The following ATF7IP variants were observed in gnomAD, a reference collection of about 807,000 sequenced individuals.
ATF7IP encodes the protein activating transcription factor 7 interacting protein, also known as activating transcription factor 7-interacting protein 1.
A neutral mutation model predicts 106.4 loss-of-function variants in ATF7IP; 23 were observed. That is an observed-to-expected ratio of 0.22 (90% confidence interval 0.16 to 0.31). The LOEUF is 0.31. ATF7IP is among the 10% of genes least tolerant of loss of function. ATF7IP has a pLI of 1.00. For missense variants in ATF7IP, 1,334 were observed against 1,524.3 expected, an observed-to-expected ratio of 0.88 and a Z score of 2.08; for synonymous variants, 542 against 539.0, an observed-to-expected ratio of 1.01 and a Z score of -0.08.
chr12:14,421,407 C>T (rs531134055), intron 1 of ATF7IP, among the ~76,000 whole-genome samples: 114 of 152,134 alleles, frequency 7.5e-4, no homozygotes, highest in Non-Finnish European at 1.4e-3. Flanking sequence ...TTTGAAATCA[C>T]GGTGTTGTCA....
chr12:14,472,337 T>G lies in ATF7IP; in HGVS notation c.2863-3553T>G, dbSNP rs138842645. 6.3e-4 allele frequency among the ~76,000 whole-genome samples: 96 copies of G among 152,350 alleles called. 3 individuals are homozygous for G. The East Asian group carries it at 0.018, about 29-fold the overall frequency. On this transcript the variant is annotated intron_variant, in intron 10 of 14. Coordinates refer to ENST00000261168, the MANE Select transcript of ATF7IP (RefSeq NM_018179.5). ...AGCATGAAAAAGCATGATTTTCATT[T>G]ATAAATTAGTCACACATTTCTTTGT...
Position 14,498,069 on chromosome 12 carries a change from G to T in ATF7IP, c.3809G>T (p.Ser1270Ile), listed in dbSNP as rs1945064025. ...GATGTGATCTCTTCTACCCAGAGCAGTTAAACCTTGGAGCCTTTATATTTT... is the reference window on the plus strand; with the variant it reads ...GATGTGATCTCTTCTACCCAGAGCATTTAAACCTTGGAGCCTTTATATTTT... ...STDVISSTQS[S>I] Residue 1270 changes from serine (S) to isoleucine (I), a missense_variant, in exon 15 of 15, where the codon AGT becomes ATT. Transcript: ENST00000261168. The T allele has an allele frequency of 1.3e-6, 2 of 1,570,408 alleles. No homozygotes were observed. Among genetic ancestry groups the T allele is most frequent in the African/African-American group, 2.7e-5 (2 of 73,446 alleles).
intron 2 of ATF7IP, among the ~76,000 whole-genome samples, chr12:14,426,435 A>G (rs923049116): frequency 5.3e-5 from 8 of 152,076 alleles, no homozygotes; most frequent in African/African-American, 1.9e-4. Flanking sequence ...AAGAAAAAAA[A>G]ATGGAGGCAG....
At chr12:14,465,569 AC>A (rs1943800062) in intron 9 of ATF7IP, among the ~76,000 whole-genome samples, 1 of 151,820 alleles carries the variant, frequency 6.6e-6, no homozygotes, top group Admixed American at 6.6e-5. Flanking sequence ...TATTCTTCTT[AC>A]AAAAAGAAGG....
At chr12:14,493,078 A>G (rs71459158) in intron 13 of ATF7IP, among the ~76,000 whole-genome samples, 3,104 of 152,276 alleles carry the variant, frequency 0.02, 34 homozygotes, top group Middle Eastern at 0.031. Flanking sequence ...ACAGTGTGCC[A>G]TCTTTTAATC....
Position 14,498,164 on chromosome 12 carries a change from C to T in ATF7IP, c.*91C>T, listed in dbSNP as rs1591985093. The T allele has an allele frequency of 3.1e-6, 4 of 1,272,142 alleles. No homozygotes were observed. In the East Asian group the frequency reaches 9.3e-5, roughly 30 times the overall value. The allele number at this position is 1,272,142 out of a possible 1,614,324, so 78.8% of individuals were successfully genotyped here. ...GCATGATACCCCATGTAAAATCCAC[C>T]TTGTGCAAGATTTCTTGGACAGATG... On this transcript the variant is annotated 3_prime_UTR_variant, in exon 15 of 15. Coordinates refer to ENST00000261168, the MANE Select transcript of ATF7IP (RefSeq NM_018179.5).
intron 1 of ATF7IP, chr12:14,416,994 A>G: frequency 1.0e-6 from 1 of 973,288 alleles, no homozygotes; most frequent in Non-Finnish European, 1.2e-6. Context: ...AAGGGGGGAA[A>G]TGAGGTTTAT....
chr12:14,485,523 GT>G (rs1944575441), intron 13 of ATF7IP, among the ~76,000 whole-genome samples: 1 of 152,166 alleles, frequency 6.6e-6, no homozygotes, highest in African/African-American at 2.4e-5. Flanking sequence ...AATCAGAATA[GT>G]GTCATCAGTG....
At position 14,502,533 on chromosome 12, in the gene ATF7IP, G is replaced by C. The variant is rs1025333242; in HGVS notation, c.*4460G>C. 6.6e-6 allele frequency: 1 copy of C among 151,860 alleles called. No homozygotes were observed. The highest frequency in any genetic ancestry group is 1.5e-5 in the Non-Finnish European group (1 of 67,944). 9.4% of individuals were successfully genotyped at this position (151,860 alleles called of 1,614,324 possible). A position where few individuals can be genotyped will look rare whatever the true frequency, so the allele number is the denominator to read the frequency against. ...TTATTTTTTTGAGGTCTTTGTTTTTGTCTGTTTTTGTTTTGTTTTGTTTTG... is the reference window on the plus strand; with the variant it reads ...TTATTTTTTTGAGGTCTTTGTTTTTCTCTGTTTTTGTTTTGTTTTGTTTTG... On this transcript the variant is annotated 3_prime_UTR_variant, in exon 15 of 15. Transcript: ENST00000261168.
chr12:14,473,106 A>G (rs987025554), intron 10 of ATF7IP, among the ~76,000 whole-genome samples: 14 of 152,134 alleles, frequency 9.2e-5, no homozygotes, highest in African/African-American at 3.1e-4. Context: ...TATAGTTAAT[A>G]TAAGTATTGA....
chr12:14,407,560 T>C (rs1940668269), intron 1 of ATF7IP, among the ~76,000 whole-genome samples: 1 of 152,136 alleles, frequency 6.6e-6, no homozygotes, highest in African/African-American at 2.4e-5. Flanking sequence ...TTAAGCATTA[T>C]TAGGCTGGAA....
chr12:14,472,099 C>CGT (rs1308327307), intron 10 of ATF7IP, among the ~76,000 whole-genome samples: 8 of 143,830 alleles, frequency 5.6e-5, no homozygotes, highest in African/African-American at 2.0e-4. Flanking sequence ...CCACATATAT[C>CGT]GTATAGCCTT....
intron 1 of ATF7IP, among the ~76,000 whole-genome samples, chr12:14,390,114 G>A (rs532970292): frequency 3.6e-4 from 55 of 152,202 alleles, no homozygotes; most frequent in African/African-American, 1.3e-3. Flanking sequence ...CGTTACCTGC[G>A]TGGCCTTGGA....
chr12:14,398,572 T>C (rs1379221945), intron 1 of ATF7IP, among the ~76,000 whole-genome samples: 1 of 151,866 alleles, frequency 6.6e-6, no homozygotes, highest in Non-Finnish European at 1.5e-5. Flanking sequence ...AAAAATTATA[T>C]TTTGGGTTTA....
At chr12:14,417,780 A>G (rs955773029) in intron 1 of ATF7IP, among the ~76,000 whole-genome samples, 8 of 152,200 alleles carry the variant, frequency 5.3e-5, no homozygotes, top group Non-Finnish European at 1.0e-4. Flanking sequence ...GTTCTAGATT[A>G]CTTATTTCAA....
intron 1 of ATF7IP, among the ~76,000 whole-genome samples, chr12:14,422,979 CA>C (rs1941614570): frequency 6.6e-6 from 1 of 152,112 alleles, no homozygotes; most frequent in African/African-American, 2.4e-5. Flanking sequence ...GCCTGTTTTC[CA>C]AAGCAGCTGC....
chr12:14,458,764 T>C (rs1031797728), intron 8 of ATF7IP, among the ~76,000 whole-genome samples: 1 of 151,846 alleles, frequency 6.6e-6, no homozygotes, highest in African/African-American at 2.4e-5. Context: ...TGTAGGCTGC[T>C]GTGAGCCAAG....
At chr12:14,496,438 G>T in intron 14 of ATF7IP, 95 bp downstream of exon 14, 4 of 778,232 alleles carry the variant, frequency 5.1e-6, no homozygotes, top group South Asian at 1.8e-5. Flanking sequence ...TTATATCCAA[G>T]GGAAGTGTTA....
At chr12:14,417,281 CT>C (rs1446865884) in intron 1 of ATF7IP, among the ~76,000 whole-genome samples, 2 of 152,082 alleles carry the variant, frequency 1.3e-5, no homozygotes, top group Non-Finnish European at 2.9e-5. Flanking sequence ...ACTTATACCA[CT>C]TAATATAGGT....
Sources: allele counts gnomAD v4.1 joint callset (sites outside exome capture counted in the v4.1 genomes callset), GRCh38; gene constraint gnomAD v4.1.1; transcripts MANE v1.5; gene names NCBI Gene and HGNC (gene_info 2026-07-23, HGNC 2026-07-21).